The following SPMIP11 variants were observed in gnomAD, a reference collection of about 807,000 sequenced individuals.
SPMIP11 encodes long intergenic non-protein coding RNA 935.
At chr12:48,752,806 G>C in the SPMIP11 span, among the ~76,000 whole-genome samples, 2 of 151,662 alleles carry the variant, frequency 1.3e-5, no homozygotes, top group African/African-American at 4.8e-5. Context: ...TGACTAGCTG[G>C]GATTACAGGC....
At chr12:48,748,959 C>T in the SPMIP11 span, among the ~76,000 whole-genome samples, 4 of 152,130 alleles carry the variant, frequency 2.6e-5, no homozygotes, top group South Asian at 4.1e-4. Flanking sequence ...ATTAATTTGT[C>T]CATCTATAAT....
At chr12:48,757,458 C>T in the SPMIP11 span, among the ~76,000 whole-genome samples, 3 of 151,298 alleles carry the variant, frequency 2.0e-5, no homozygotes, top group Non-Finnish European at 4.4e-5. Flanking sequence ...CCAGCCTGGC[C>T]AATATGGTGA....
the SPMIP11 span, among the ~76,000 whole-genome samples, chr12:48,730,196 C>A: frequency 6.6e-6 from 1 of 152,164 alleles, no homozygotes; most frequent in East Asian, 1.9e-4. Flanking sequence ...GGCATCATTT[C>A]TTTATAGGCT....
the SPMIP11 span, among the ~76,000 whole-genome samples, chr12:48,763,395 G>GA: frequency 6.6e-6 from 1 of 151,752 alleles, no homozygotes; most frequent in East Asian, 2.0e-4. Context: ...GCTGGTTCTG[G>GA]AAGTCCTGGG....
At chr12:48,769,285 T>C in the SPMIP11 span, among the ~76,000 whole-genome samples, 1 of 151,890 alleles carries the variant, frequency 6.6e-6, no homozygotes, top group African/African-American at 2.4e-5. Context: ...TGGTGGTACA[T>C]GCCTGTAGTC....
chr12:48,768,021 C>T, the SPMIP11 span: 3 of 157,142 alleles, frequency 1.9e-5, no homozygotes, highest in Non-Finnish European at 4.3e-5. Flanking sequence ...CCAAAGCTGG[C>T]TCCCCAGAGC....
At chr12:48,760,806 C>T in the SPMIP11 span, among the ~76,000 whole-genome samples, 3 of 152,086 alleles carry the variant, frequency 2.0e-5, no homozygotes, top group Admixed American at 6.6e-5. Context: ...GGATTACAGG[C>T]GTGAGCCGCC....
At chr12:48,741,821 A>G in the SPMIP11 span, among the ~76,000 whole-genome samples, 1 of 151,910 alleles carries the variant, frequency 6.6e-6, no homozygotes, top group African/African-American at 2.4e-5. Context: ...TTTGATTTCT[A>G]GTAGAGGCAA....
At chr12:48,765,732 G>A in the SPMIP11 span, 31 of 699,012 alleles carry the variant, frequency 4.4e-5, no homozygotes, top group Middle Eastern at 2.6e-4. Context: ...TCCCAGTTCC[G>A]ATGGCTGACT....
chr12:48,727,734 C>T, the SPMIP11 span, among the ~76,000 whole-genome samples: 1 of 152,176 alleles, frequency 6.6e-6, no homozygotes, highest in African/African-American at 2.4e-5. Context: ...CTTTGCTCTC[C>T]TGTCATTTAA....
chr12:48,770,985 G>A, the SPMIP11 span: 1 of 1,610,670 alleles, frequency 6.2e-7, no homozygotes, highest in Non-Finnish European at 8.5e-7. Flanking sequence ...ACAACACAAG[G>A]AGACCTGGCT....
chr12:48,746,360 CTTTTTTTT>C, the SPMIP11 span, among the ~76,000 whole-genome samples: 9 of 101,234 alleles, frequency 8.9e-5, no homozygotes, highest in East Asian at 2.6e-4. Flanking sequence ...ACTATAATTC[CTTTTTTTT>C]TTTTTTTTTT....
the SPMIP11 span, among the ~76,000 whole-genome samples, chr12:48,752,669 CTTTTTTTTTT>C: frequency 4.2e-5 from 5 of 119,294 alleles, no homozygotes; most frequent in Non-Finnish European, 6.8e-5. Context: ...CCTATTTATT[CTTTTTTTTTT>C]TTTTTTTTTT....
the SPMIP11 span, among the ~76,000 whole-genome samples, chr12:48,736,337 G>A: frequency 3.3e-5 from 5 of 150,724 alleles, no homozygotes; most frequent in Non-Finnish European, 5.9e-5. Context: ...GCTTAAGCCC[G>A]GGAGACAGAG....
the SPMIP11 span, among the ~76,000 whole-genome samples, chr12:48,750,524 T>C: frequency 6.6e-6 from 1 of 152,184 alleles, no homozygotes; most frequent in African/African-American, 2.4e-5. Flanking sequence ...GCTTGAAATA[T>C]GTGGCTGGCT....
chr12:48,749,135 G>C, the SPMIP11 span, among the ~76,000 whole-genome samples: 1 of 151,922 alleles, frequency 6.6e-6, no homozygotes, highest in African/African-American at 2.4e-5. Flanking sequence ...GGTGGTGCAC[G>C]CCTGTAGTCC....
chr12:48,762,423 A>G, the SPMIP11 span, among the ~76,000 whole-genome samples: 1 of 121,300 alleles, frequency 8.2e-6, no homozygotes, highest in Non-Finnish European at 1.6e-5. Context: ...GCTGGAGTGC[A>G]ATGGTGCGAT....
the SPMIP11 span, among the ~76,000 whole-genome samples, chr12:48,746,029 C>G: frequency 6.6e-6 from 1 of 152,164 alleles, no homozygotes; most frequent in Non-Finnish European, 1.5e-5. Flanking sequence ...ATTGATTGTG[C>G]CAGCCACTGT....
chr12:48,732,810 C>T, the SPMIP11 span, among the ~76,000 whole-genome samples: 2 of 142,666 alleles, frequency 1.4e-5, no homozygotes, highest in Non-Finnish European at 3.0e-5. Context: ...ACAGTAGACT[C>T]ATCACAGTCT....
Sources: allele counts gnomAD v4.1 joint callset (sites outside exome capture counted in the v4.1 genomes callset), GRCh38; gene constraint gnomAD v4.1.1; transcripts MANE v1.5; gene names NCBI Gene and HGNC (gene_info 2026-07-23, HGNC 2026-07-21).